The following TPTE2 variants were observed in gnomAD, a reference collection of about 807,000 sequenced individuals.
TPTE2 encodes the protein transmembrane phosphoinositide 3-phosphatase and tensin homolog 2.
TPTE2 carries 53 observed loss-of-function variants against 78.6 expected under a neutral mutation model. The observed-to-expected ratio is 0.67, with a 90% CI of 0.54 to 0.85. TPTE2 has a LOEUF of 0.85. TPTE2 is among the 40% of genes least tolerant of loss of function. TPTE2 has a pLI of 0.00. For missense variants in TPTE2, 461 were observed against 623.0 expected, an observed-to-expected ratio of 0.74 and a Z score of 2.77; for synonymous variants, 175 against 206.2, an observed-to-expected ratio of 0.85 and a Z score of 1.30.
intron 13 of TPTE2, among the ~76,000 whole-genome samples, chr13:19,441,178 A>AT (rs1418847434): frequency 4.6e-5 from 7 of 152,138 alleles, no homozygotes; most frequent in Non-Finnish European, 4.4e-5. Flanking sequence ...AAAAAACCAA[A>AT]TACCGTATGT....
intron 1 of TPTE2, among the ~76,000 whole-genome samples, chr13:19,521,361 T>TC (rs397763362): frequency 3.3e-5 from 5 of 151,684 alleles, no homozygotes; most frequent in Non-Finnish European, 7.4e-5. Context: ...CTGTTTTTTT[T>TC]CTGCTTTTTT....
chr13:19,494,718 TC>T (rs1881205149), intron 1 of TPTE2, among the ~76,000 whole-genome samples: 2 of 152,146 alleles, frequency 1.3e-5, no homozygotes, highest in South Asian at 4.1e-4. Flanking sequence ...CATGTGTACA[TC>T]TTTTATAATT....
At chr13:19,504,859 T>G (rs1171423511), upstream of TPTE2, among the ~76,000 whole-genome samples, 1 of 152,044 alleles carries the variant, frequency 6.6e-6, no homozygotes, top group East Asian at 1.9e-4. Flanking sequence ...TCTCCCTTTC[T>G]CTCTCTCCCT....
At chr13:19,526,083 T>C (rs1378920475) in intron 1 of TPTE2, among the ~76,000 whole-genome samples, 1 of 152,180 alleles carries the variant, frequency 6.6e-6, no homozygotes, top group Non-Finnish European at 1.5e-5. Flanking sequence ...TATACACTAC[T>C]GGTGGATATG....
intron 17 of TPTE2, among the ~76,000 whole-genome samples, chr13:19,429,688 G>A (rs2137468273): frequency 6.6e-6 from 1 of 152,300 alleles, no homozygotes; most frequent in Non-Finnish European, 1.5e-5. Flanking sequence ...AAAAAGCCGG[G>A]GGCAGAGTCG....
At chr13:19,428,291 A>T (rs1876297425) in intron 17 of TPTE2, among the ~76,000 whole-genome samples, 1 of 151,966 alleles carries the variant, frequency 6.6e-6, no homozygotes, top group South Asian at 2.1e-4. Context: ...TCTACTAATA[A>T]TACAAAATTA....
At chr13:19,512,681 T>C (rs1869530442) in intron 1 of TPTE2, among the ~76,000 whole-genome samples, 1 of 152,000 alleles carries the variant, frequency 6.6e-6, no homozygotes, top group African/African-American at 2.4e-5. Flanking sequence ...TGGATTCAAG[T>C]GATCCTTCTG....
intron 17 of TPTE2, among the ~76,000 whole-genome samples, chr13:19,427,057 TTC>T (rs1876160665): frequency 3.0e-5 from 1 of 33,830 alleles, no homozygotes; most frequent in Non-Finnish European, 1.0e-4. Flanking sequence ...TGAACCACTT[TTC>T]TTTTTTTTTC....
chr13:19,484,361 A>G (rs1458973242), intron 3 of TPTE2, among the ~76,000 whole-genome samples: 1 of 152,166 alleles, frequency 6.6e-6, no homozygotes, highest in African/African-American at 2.4e-5. Flanking sequence ...ATTTGTTGAG[A>G]CTTGTTTTGT....
chr13:19,518,116 TG>T (rs1869919114), intron 1 of TPTE2, among the ~76,000 whole-genome samples: 1 of 152,212 alleles, frequency 6.6e-6, no homozygotes, highest in South Asian at 2.1e-4. Context: ...TAGACAAAGT[TG>T]ATAGGACTTG....
intron 1 of TPTE2, among the ~76,000 whole-genome samples, chr13:19,524,169 A>G (rs547415462): frequency 2.0e-5 from 3 of 152,332 alleles, no homozygotes; most frequent in African/African-American, 7.2e-5. Context: ...TGAGACCTCC[A>G]TATAAATCCA....
intron 10 of TPTE2, among the ~76,000 whole-genome samples, chr13:19,463,515 A>G (rs945418501): frequency 1.3e-5 from 2 of 151,924 alleles, no homozygotes; most frequent in Non-Finnish European, 2.9e-5. Flanking sequence ...GTTAATGGGG[A>G]ATTATTGTAT....
chr13:19,491,851 T>C (rs1452017897), intron 3 of TPTE2, among the ~76,000 whole-genome samples: 1 of 152,140 alleles, frequency 6.6e-6, no homozygotes, highest in Non-Finnish European at 1.5e-5. Context: ...TAGAAATACA[T>C]TTTAATTTGC....
At chr13:19,423,306 G>A in intron 19 of TPTE2, 142 bp from the exon 23 acceptor site, 1 of 548,556 alleles carries the variant, frequency 1.8e-6, no homozygotes, top group East Asian at 3.3e-5. Flanking sequence ...CATTTCAGTT[G>A]GCTCCTTCCA....
At chr13:19,503,383 G>A (rs1868752075), upstream of TPTE2, 2 of 1,204,892 alleles carry the variant, frequency 1.7e-6, no homozygotes, top group Non-Finnish European at 1.2e-6. Flanking sequence ...GTTAAGTTTT[G>A]ACTATTCATG....
intron 9 of TPTE2, 95 bp from the exon 13 acceptor site, chr13:19,464,615 A>G (rs573484696): frequency 7.2e-7 from 1 of 1,390,544 alleles, no homozygotes; most frequent in Non-Finnish European, 9.8e-7. Context: ...CCATTTTCAC[A>G]GAAAAAAAAC....
intron 17 of TPTE2, among the ~76,000 whole-genome samples, chr13:19,429,783 G>A (rs926193537): frequency 6.6e-6 from 1 of 152,182 alleles, no homozygotes; most frequent in South Asian, 2.1e-4. Context: ...AGGGTTATTA[G>A]ACCATGAAGG....
At chr13:19,438,630 T>G (rs1468159039) in intron 13 of TPTE2, among the ~76,000 whole-genome samples, 3 of 152,168 alleles carry the variant, frequency 2.0e-5, no homozygotes, top group Non-Finnish European at 4.4e-5. Context: ...AGAAACACCA[T>G]GTATCAACAC....
intron 4 of TPTE2, among the ~76,000 whole-genome samples, chr13:19,477,869 C>T (rs1880069836): frequency 6.6e-6 from 1 of 152,166 alleles, no homozygotes; most frequent in African/African-American, 2.4e-5. Context: ...AAATCCATAT[C>T]CAGGAAAAGT....
Sources: gnomAD v4.1 joint callset for allele counts (sites outside exome capture counted in the v4.1 genomes callset) on GRCh38, gnomAD v4.1.1 for gene constraint, MANE v1.5 for transcripts, NCBI Gene and HGNC (gene_info 2026-07-23, HGNC 2026-07-21) for gene names.